Variants in ITPR3 observed in about 807,000 individuals in gnomAD.
ITPR3 encodes inositol 1,4,5-trisphosphate-gated calcium channel ITPR3.
ITPR3 carries 173 observed loss-of-function variants against 293.2 expected under a neutral mutation model. The observed-to-expected ratio is 0.59, with a 90% CI of 0.52 to 0.67. ITPR3 has a LOEUF of 0.67. ITPR3 is among the 30% of genes least tolerant of loss of function. The pLI, the probability that ITPR3 is intolerant of heterozygous loss-of-function variation, is 0.00. For missense variants in ITPR3, 2,796 were observed against 3,592.1 expected (o/e 0.78, Z 5.66); for synonymous variants, 1,295 against 1,444.4 (o/e 0.90, Z 2.35).
chr6:33,689,709 G>A (rs1323661519), intron 50 of ITPR3, among the ~76,000 whole-genome samples: 2 of 152,222 alleles, frequency 1.3e-5, no homozygotes, highest in African/African-American at 4.8e-5. Flanking sequence ...ACTGCTACGC[G>A]GCAGACGTGA....
Position 33,684,635 on chromosome 6 carries a change from T to C in ITPR3, c.5084T>C (p.Leu1695Pro), listed in dbSNP as rs1208367613. 1.9e-6 allele frequency: 3 copies of C among 1,613,946 alleles called. No individual in the cohort carries two copies. The highest frequency in any genetic ancestry group is 2.5e-6 in the Non-Finnish European group (3 of 1,179,984). The change falls in exon 38 of 58, where the codon CTC (leucine) becomes CCC (proline). Residue 1695 changes from leucine (L) to proline (P), a missense_variant. Leu to Pro is a moderately conservative substitution (Grantham distance 98). Transcript: ENST00000605930. This position sits in a 1 kb window ranked among gnomAD's most constrained non-coding sequence, Gnocchi z 4.2. ...CGCAAGATGCTGCTGCAAAACTACC[T>C]CCAGAACCGGAAGTCCACCTCGCGG... ...QLRKMLLQNY[L>P]QNRKSTSRGD...
chr6:33,688,608 G>A lies in ITPR3; in HGVS notation c.6569-48G>A, dbSNP rs1349533604. 4 of 1,610,084 alleles carry A rather than the reference G, an allele frequency of 2.5e-6. No individual in the cohort carries two copies. In the African/African-American group the frequency reaches 5.3e-5, roughly 22 times the overall value. On this transcript the variant is annotated intron_variant, in intron 48 of 57. Coordinates refer to ENST00000605930, the MANE Select transcript of ITPR3 (RefSeq NM_002224.4). ...GGGGCCCCACATGCAAGGGGCAGGG[G>A]GTGCTCACCAGGGCCCTCCAGCAGC...
chr6:33,683,058 A>T lies in ITPR3; in HGVS notation c.4598-149A>T. ...GGGGAAGAAAGCCTCTCAGTCCCTC[A>T]AGCATAGGCCGGGGTGGGGGGGGTC... On this transcript the variant is annotated intron_variant, in intron 34 of 57. Coordinates refer to ENST00000605930, the MANE Select transcript of ITPR3 (RefSeq NM_002224.4). This position sits in a 1 kb window ranked among gnomAD's most constrained non-coding sequence, Gnocchi z 4.5. The T allele has an allele frequency of 1.9e-6, 1 of 522,908 alleles. No homozygotes were observed. The highest frequency in any genetic ancestry group is 3.1e-6 in the Non-Finnish European group (1 of 327,812). 32.4% of individuals were successfully genotyped at this position (522,908 alleles called of 1,614,324 possible).
Position 33,680,441 on chromosome 6 carries a change from T to C in ITPR3, c.4337T>C (p.Leu1446Pro). ...TGGACGCTCTTTGAGAACTTCACCCTGGACATGGCCCGGGTCTGTCCCTGT... is the reference window on the plus strand; with the variant it reads ...TGGACGCTCTTTGAGAACTTCACCCCGGACATGGCCCGGGTCTGTCCCTGT... ...HIWTLFENFTLDMARVCSKRE... is the reference protein window; with the variant it reads ...HIWTLFENFTPDMARVCSKRE... The change falls in exon 32 of 58, where the codon CTG (leucine) becomes CCG (proline). Residue 1446 changes from leucine (L) to proline (P), a missense_variant. Transcript: ENST00000605930. The C allele has an allele frequency of 6.2e-7, 1 of 1,613,414 alleles. No individual in the cohort carries two copies.
At chr6:33,628,749 A>G (rs2151277308) in intron 1 of ITPR3, among the ~76,000 whole-genome samples, 1 of 152,324 alleles carries the variant, frequency 6.6e-6, no homozygotes, top group South Asian at 2.1e-4. Flanking sequence ...GCAGGTGGGC[A>G]GAGCCGGAAG....
Position 33,670,910 on chromosome 6 carries a change from C to A in ITPR3, c.2586+95C>A. 1 of 1,460,456 alleles carries A rather than the reference C, an allele frequency of 6.8e-7. No individual in the cohort carries two copies. The highest frequency in any genetic ancestry group is 9.3e-7 in the Non-Finnish European group (1 of 1,073,642). The allele number at this position is 1,460,456 out of a possible 1,614,324, so 90.5% of individuals were successfully genotyped here. A position where few individuals can be genotyped will look rare whatever the true frequency, so the allele number is the denominator to read the frequency against. Reference sequence around the variant, plus strand: ...TCACCCAGGAGTCGGCTGTGGGATCCATGACCCCACTTCCTTCTGTGTCCC... The same window carrying A: ...TCACCCAGGAGTCGGCTGTGGGATCAATGACCCCACTTCCTTCTGTGTCCC... On this transcript the variant is annotated intron_variant, in intron 20 of 57. Coordinates refer to ENST00000605930, the MANE Select transcript of ITPR3 (RefSeq NM_002224.4). The surrounding 1 kb of genome is among the most constrained non-coding windows in gnomAD (Gnocchi z 6.7).
chr6:33,621,431 G>C lies in ITPR3; in HGVS notation c.-172G>C. 1 of 460,878 alleles carries C rather than the reference G, an allele frequency of 2.2e-6. No homozygotes were observed. The highest frequency in any genetic ancestry group is 3.0e-5 in the South Asian group (1 of 32,988). The allele number at this position is 460,878 out of a possible 1,614,324, so 28.5% of individuals were successfully genotyped here. ...CCTCACCCGGACCCCGGGCCCCGCC[G>C]AGCCGCCTCCTGGCTCCCGTGGCCG... On this transcript the variant is annotated 5_prime_UTR_variant, in exon 1 of 58. Coordinates refer to ENST00000605930, the MANE Select transcript of ITPR3 (RefSeq NM_002224.4). This position sits in a 1 kb window ranked among gnomAD's most constrained non-coding sequence, Gnocchi z 7.7.
rs1447082559 is a variant in ITPR3 at position 33,692,277 on chromosome 6, C to A, written c.7458+349C>A. ...ATGATTTGGCTTGGGCAGCCACATT[C>A]CCGAATGTCAGGCCTTCCCCTGTTG... On this transcript the variant is annotated intron_variant, in intron 54 of 57. Transcript: ENST00000605930. This position sits in a 1 kb window ranked among gnomAD's most constrained non-coding sequence, Gnocchi z 4.2. 6.6e-6 allele frequency among the ~76,000 whole-genome samples: 1 copy of A among 152,250 alleles called. No homozygotes were observed. Among genetic ancestry groups the A allele is most frequent in the Non-Finnish European group, 1.5e-5 (1 of 68,046 alleles).
intron 32 of ITPR3, 42 bp from the exon 33 acceptor site, chr6:33,680,513 C>T: frequency 1.2e-6 from 2 of 1,610,258 alleles, no homozygotes; most frequent in South Asian, 2.2e-5. Context: ...GTGGAGGGGC[C>T]CCATGTGAGG....
At chr6:33,657,382 GACT>G (rs1459605081) in intron 3 of ITPR3, among the ~76,000 whole-genome samples, 2 of 152,220 alleles carry the variant, frequency 1.3e-5, no homozygotes, top group Non-Finnish European at 2.9e-5. Context: ...GGATCCATCA[GACT>G]GGGATGTGAC....
chr6:33,639,846 A>T (rs963998948), intron 1 of ITPR3, among the ~76,000 whole-genome samples: 1 of 152,154 alleles, frequency 6.6e-6, no homozygotes, highest in African/African-American at 2.4e-5. Context: ...GATTAATGCC[A>T]GCATGGCTAT....
At chr6:33,694,694 C>A in intron 56 of ITPR3, 2 of 545,992 alleles carry the variant, frequency 3.7e-6, no homozygotes, top group South Asian at 2.3e-5. Context: ...CCGACGCTGC[C>A]TAACGGAAGT....
In ITPR3 at chr6:33,674,230, CA is replaced by C; in HGVS notation, c.3082del (p.Ile1028SerfsTer71). ...STTANMNLDR[I>X]GEQAEAMFGV... ...CAGCTGCCAACATGAACCTGGATCG[CA>C]TCGGGGAGCAGGCGGAGGCCATGTT... is the stretch of plus-strand genomic sequence containing the variant. On this transcript the variant is annotated frameshift_variant, in exon 24 of 58. Transcript: ENST00000605930. LOFTEE classifies it high-confidence loss of function. 2 of 1,614,144 alleles carry C rather than the reference CA, an allele frequency of 1.2e-6. No individual in the cohort carries two copies. The highest frequency in any genetic ancestry group is 1.1e-5 in the South Asian group (1 of 91,080).
Position 33,683,398 on chromosome 6 carries a change from G to A in ITPR3, c.4788+1G>A. The A allele has an allele frequency of 6.4e-7, 1 of 1,555,244 alleles. No individual in the cohort carries two copies. The highest frequency in any genetic ancestry group is 2.4e-5 in the East Asian group (1 of 42,332). On this transcript the variant is annotated splice_donor_variant, in intron 35 of 57. Coordinates refer to ENST00000605930, the MANE Select transcript of ITPR3 (RefSeq NM_002224.4). LOFTEE classifies it high-confidence loss of function. The surrounding 1 kb of genome is among the most constrained non-coding windows in gnomAD (Gnocchi z 4.5). ...CAAGAACATCATTGAGAAGCTGCAG[G>A]TGGGTGTGGGGCTGCCTGGCATCTG...
chr6:33,621,361 C>CGGGCG lies in ITPR3; in HGVS notation c.-234_-230dup, dbSNP rs1290584644. On this transcript the variant is annotated 5_prime_UTR_variant, in exon 1 of 58. Transcript: ENST00000605930. The surrounding 1 kb of genome is among the most constrained non-coding windows in gnomAD (Gnocchi z 7.7). Reference sequence around the variant, plus strand: ...TTCTACGCTGCAGGTACGCGCGGGCCGGGCGGGGCGGGCGGGCGGCGGGCG... The same window carrying CGGGCG: ...TTCTACGCTGCAGGTACGCGCGGGCCGGGCGGGGCGGGGCGGGCGGGCGGCGGGCG... 3.0e-4 allele frequency: 61 copies of CGGGCG among 205,160 alleles called. No homozygotes were observed. Among genetic ancestry groups the CGGGCG allele is most frequent in the Admixed American group, 7.5e-4 (11 of 14,606 alleles). The allele number at this position is 205,160 out of a possible 1,614,324, so 12.7% of individuals were successfully genotyped here.
chr6:33,683,496 C>T lies in ITPR3; in HGVS notation c.4788+99C>T. ...GCAAGTTCTCGGGGAGTGTTTCTTC[C>T]TGTCCTGCCCACACTTCCAGGAAGG... On this transcript the variant is annotated intron_variant, in intron 35 of 57. Coordinates refer to ENST00000605930, the MANE Select transcript of ITPR3 (RefSeq NM_002224.4). This position sits in a 1 kb window ranked among gnomAD's most constrained non-coding sequence, Gnocchi z 4.5. 1 of 1,061,578 alleles carries T rather than the reference C, an allele frequency of 9.4e-7. No individual in the cohort carries two copies. The highest frequency in any genetic ancestry group is 1.9e-5 in the South Asian group (1 of 53,204). The allele number at this position is 1,061,578 out of a possible 1,614,324, so 65.8% of individuals were successfully genotyped here.
chr6:33,688,951 G>A (rs1453360540), intron 49 of ITPR3, among the ~76,000 whole-genome samples, 170 bp downstream of exon 49: 2 of 152,232 alleles, frequency 1.3e-5, no homozygotes, highest in African/African-American at 4.8e-5. Flanking sequence ...AGACACAGGT[G>A]CGGTCAAAGG....
chr6:33,665,781 G>T, intron 13 of ITPR3, 54 bp from the exon 14 acceptor site: 1 of 1,601,678 alleles, frequency 6.2e-7, no homozygotes, highest in South Asian at 1.1e-5. Context: ...CCCCAAGAGG[G>T]ACACCTGCTG....
rs771737204 is a variant in ITPR3 at position 33,693,705 on chromosome 6, G to A, written c.7785G>A (p.Lys2595=). The change falls in exon 56 of 58, where the codon AAG becomes AAA. Residue 2595 remains lysine (K), a splice_region_variant and synonymous_variant. Coordinates refer to ENST00000605930, the MANE Select transcript of ITPR3 (RefSeq NM_002224.4). ...AGAGCTACGTGGCCCAGATGATCAA[G>A]GTGTGAGCAGGGGCTGTGCCAGGCC... ...GPESYVAQMI[K]NKNLDWFPRM... The A allele has an allele frequency of 6.2e-7, 1 of 1,613,986 alleles. No homozygotes were observed. Among genetic ancestry groups the A allele is most frequent in the Non-Finnish European group, 8.5e-7 (1 of 1,179,930 alleles).
Sources: gnomAD v4.1 joint callset for allele counts (sites outside exome capture counted in the v4.1 genomes callset) on GRCh38, gnomAD v4.1.1 for gene constraint, Gnocchi (gnomAD v3.1) non-coding constraint, MANE v1.5 for transcripts, NCBI Gene and HGNC (gene_info 2026-07-23, HGNC 2026-07-21) for gene names.